The following MLXIPL variants were observed in gnomAD, a reference collection of about 807,000 sequenced individuals.
MLXIPL encodes the protein carbohydrate-responsive element-binding protein.
MLXIPL carries 49 observed loss-of-function variants against 81.5 expected under a neutral mutation model. That is an observed-to-expected ratio of 0.60 (90% CI 0.48 to 0.76). MLXIPL has a LOEUF of 0.76. Ranked by LOEUF, MLXIPL falls within the 30% of genes least tolerant of loss-of-function variation. The pLI is 0.00. For missense variants in MLXIPL, 1,053 were observed against 1,167.0 expected (o/e 0.90, Z 1.42); for synonymous variants, 466 against 485.5 (o/e 0.96, Z 0.53).
intron 7 of MLXIPL, among the ~76,000 whole-genome samples, chr7:73,604,357 A>T (rs1233109029): frequency 1.3e-5 from 2 of 151,378 alleles, no homozygotes; most frequent in Non-Finnish European, 2.9e-5. Flanking sequence ...GGATCTCTTG[A>T]GCCCAGGAGT....
chr7:73,625,574 T>G (rs1462660342), upstream of MLXIPL, among the ~76,000 whole-genome samples: 1 of 152,040 alleles, frequency 6.6e-6, no homozygotes, highest in Non-Finnish European at 1.5e-5. Context: ...CTGGCTAACA[T>G]GGAGAAACCC....
chr7:73,643,511 C>A, the MLXIPL span, among the ~76,000 whole-genome samples: 1 of 143,360 alleles, frequency 7.0e-6, no homozygotes, highest in Non-Finnish European at 1.5e-5. Context: ...GAGACTCCGT[C>A]TCAAAAAAAA....
At chr7:73,613,963 C>A (rs574033594) in intron 2 of MLXIPL, among the ~76,000 whole-genome samples, 3 of 152,256 alleles carry the variant, frequency 2.0e-5, no homozygotes, top group Non-Finnish European at 4.4e-5. Context: ...ATGGTGAAAC[C>A]CTGTCTCCAC....
At chr7:73,645,613 T>A in the MLXIPL span, among the ~76,000 whole-genome samples, 1 of 152,168 alleles carries the variant, frequency 6.6e-6, no homozygotes, top group African/African-American at 2.4e-5. Context: ...TCTCCCTGAA[T>A]GCAGAGAATG....
intron 1 of MLXIPL, among the ~76,000 whole-genome samples, chr7:73,618,349 G>A (rs1000496340): frequency 5.3e-5 from 8 of 152,176 alleles, no homozygotes; most frequent in African/African-American, 1.9e-4. Flanking sequence ...CACCCACCTT[G>A]GCCTCCCAAA....
Position 73,624,151 on chromosome 7 carries a change from C to T in MLXIPL, c.293+49G>A, listed in dbSNP as rs371316943. 46 of 1,477,272 alleles carry T rather than the reference C, an allele frequency of 3.1e-5. No homozygotes were observed. The African/African-American group carries it at 3.8e-4, about 12-fold the overall frequency. 91.5% of individuals were successfully genotyped at this position (1,477,272 alleles called of 1,614,324 possible). On this transcript the variant is annotated intron_variant, in intron 1 of 16. Coordinates refer to ENST00000313375, the MANE Select transcript of MLXIPL (RefSeq NM_032951.3). ...CGCAGTCCTGCCCCGGACCCCCCCC[C>T]CATCCCCACCTGGAAGCCAAGGCCG...
chr7:73,625,334 T>C (rs1796676155), upstream of MLXIPL, among the ~76,000 whole-genome samples: 1 of 152,148 alleles, frequency 6.6e-6, no homozygotes, highest in South Asian at 2.1e-4. Flanking sequence ...GCCCCCCATA[T>C]TAGCTCTTCT....
intron 2 of MLXIPL, among the ~76,000 whole-genome samples, chr7:73,612,858 A>G (rs1243565853): frequency 1.3e-5 from 2 of 152,110 alleles, no homozygotes; most frequent in Non-Finnish European, 2.9e-5. Context: ...TGAGACAGAT[A>G]CTGGGACAGG....
the MLXIPL span, among the ~76,000 whole-genome samples, chr7:73,632,003 C>A: frequency 7.7e-6 from 1 of 129,600 alleles, no homozygotes; most frequent in East Asian, 2.4e-4. Context: ...CTTTTCTTTT[C>A]TTTCCAGACA....
intron 7 of MLXIPL, among the ~76,000 whole-genome samples, chr7:73,605,135 C>G (rs1359678676): frequency 6.6e-6 from 1 of 152,198 alleles, no homozygotes; most frequent in East Asian, 1.9e-4. Flanking sequence ...TCTTCTCTCC[C>G]CTGAGAGAGT....
At chr7:73,608,373 A>T (rs1242758132) in intron 2 of MLXIPL, among the ~76,000 whole-genome samples, 1 of 151,624 alleles carries the variant, frequency 6.6e-6, no homozygotes, top group South Asian at 2.1e-4. Flanking sequence ...GTGAATAACG[A>T]GGCCAGGAGA....
intron 7 of MLXIPL, among the ~76,000 whole-genome samples, chr7:73,605,256 C>T (rs557584913): frequency 6.6e-6 from 1 of 152,166 alleles, no homozygotes; most frequent in African/African-American, 2.4e-5. Context: ...CCAGGAAGAA[C>T]CCTCAGAAAC....
At chr7:73,632,051 G>T in the MLXIPL span, among the ~76,000 whole-genome samples, 2 of 151,420 alleles carry the variant, frequency 1.3e-5, no homozygotes, top group Non-Finnish European at 2.9e-5. Context: ...GGAGTGCAGT[G>T]ATAGAATCAT....
chr7:73,634,686 T>A, the MLXIPL span, among the ~76,000 whole-genome samples: 3 of 152,072 alleles, frequency 2.0e-5, no homozygotes, highest in Non-Finnish European at 2.9e-5. Context: ...TGAGCCACTG[T>A]GCCTGGCCAA....
At chr7:73,626,946 A>G (rs1796764503), upstream of MLXIPL, among the ~76,000 whole-genome samples, 3 of 152,170 alleles carry the variant, frequency 2.0e-5, no homozygotes, top group Admixed American at 1.3e-4. Flanking sequence ...TAGGATCACA[A>G]TGGCAGTGCC....
In MLXIPL at chr7:73,597,217, C is replaced by A; in HGVS notation, c.1568G>T (p.Ser523Ile). 6.2e-7 allele frequency: 1 copy of A among 1,605,156 alleles called. No individual in the cohort carries two copies. Residue 523 changes from serine to isoleucine, a missense_variant, in exon 9 of 17, where the codon AGC becomes ATC. Physicochemically the swap from Ser to Ile is moderately radical, Grantham distance 142. Around this residue, in one of 3 missense-constraint regions of MLXIPL, gnomAD observed 823 missense variants for 933.0 expected, o/e 0.88. Transcript: ENST00000313375. The stretch of plus-strand genomic sequence containing the variant: ...CAGCTGTGTGAGGCAGGGGTTGTTG[C>A]TCCCCGCAGTGGTGGGGGGACTGGC... ...ATASPPTTAG[S>I]NNPCLTQLLT...
chr7:73,622,066 C>G (rs1399445354), intron 1 of MLXIPL, among the ~76,000 whole-genome samples: 1 of 128,962 alleles, frequency 7.8e-6, no homozygotes, highest in African/African-American at 2.9e-5. Flanking sequence ...CACTCTATCA[C>G]CCAGGGTGGA....
chr7:73,597,599 G>A lies in MLXIPL; in HGVS notation c.1186C>T (p.Leu396=). ...LPPPPVPPPL[L]HYPPPAKVPG... is the part of the protein sequence containing the mutation. ...ACCTTGGCAGGGGGAGGGTAATGCA[G>A]CAGAGGTGGGGGTACAGGAGGGGGT... The change falls in exon 9 of 17, where the codon CTG becomes TTG. Residue 396 remains leucine, a synonymous_variant. Transcript: ENST00000313375. 1.0e-6 allele frequency: 1 copy of A among 977,878 alleles called. No homozygotes were observed. Among genetic ancestry groups the A allele is most frequent in the African/African-American group, 1.8e-5 (1 of 55,910 alleles). The allele number at this position is 977,878 out of a possible 1,614,324, so 60.6% of individuals were successfully genotyped here.
At chr7:73,624,153 A>T (rs1190189503) in intron 1 of MLXIPL, 47 bp downstream of exon 1, 2 of 493,014 alleles carry the variant, frequency 4.1e-6, no homozygotes, top group South Asian at 2.8e-5. Context: ...CCCCCCCCCC[A>T]TCCCCACCTG....
Sources: gnomAD v4.1 joint callset for allele counts (sites outside exome capture counted in the v4.1 genomes callset) on GRCh38, gnomAD v4.1.1 for gene constraint, gnomAD v4.1.1 regional missense constraint, MANE v1.5 for transcripts, NCBI Gene and HGNC (gene_info 2026-07-23, HGNC 2026-07-21) for gene names.